The following GPC5 variants were observed in gnomAD, a reference collection of about 807,000 sequenced individuals.
GPC5 encodes glypican 5.
A neutral mutation model predicts 53.9 loss-of-function variants in GPC5; 47 were observed. The observed-to-expected ratio is 0.87, with a 90% CI of 0.69 to 1.11. The LOEUF (loss-of-function observed/expected upper bound fraction) is 1.11, where lower values mean the gene tolerates loss of function less well. Among genes scored for constraint, GPC5 ranks in the 50% most tolerant of loss-of-function variants. GPC5 has a pLI of 0.00. For synonymous variants in GPC5, 286 were observed against 263.3 expected (o/e 1.09, Z -0.84); for missense variants, 748 against 713.1 (o/e 1.05, Z -0.56).
At chr13:92,565,747 C>G (rs1394185612) in intron 7 of GPC5, among the ~76,000 whole-genome samples, 1 of 151,926 alleles carries the variant, frequency 6.6e-6, no homozygotes. Context: ...ACAACTAAAG[C>G]AAGTGACTTT....
rs189798599 is a variant in GPC5, at chr13:92,519,386, C to G, written c.1562-346896C>G. 4.1e-3 allele frequency among the ~76,000 whole-genome samples: 624 copies of G among 152,298 alleles called. 4 individuals carry two copies. The highest frequency in any genetic ancestry group is 0.014 in the African/African-American group (581 of 41,548). On this transcript the variant is annotated intron_variant, in intron 7 of 7. Coordinates refer to ENST00000377067, the MANE Select transcript of GPC5 (RefSeq NM_004466.6). ...TGACCACATAGTTGGAAGTAAAACA[C>G]TCCTCAGCAAATGTAAAAGAACAGA...
chr13:92,081,083 A>C (rs187333096), intron 6 of GPC5, among the ~76,000 whole-genome samples: 2 of 152,038 alleles, frequency 1.3e-5, no homozygotes, highest in Non-Finnish European at 2.9e-5. Context: ...TATCTCACCC[A>C]CTGGTATATG....
intron 7 of GPC5, among the ~76,000 whole-genome samples, chr13:92,162,012 T>A (rs2041993194): frequency 7.0e-6 from 1 of 143,776 alleles, no homozygotes; most frequent in Non-Finnish European, 1.5e-5. Context: ...TAAATGTAGT[T>A]CTCTGGTTAT....
intron 7 of GPC5, among the ~76,000 whole-genome samples, chr13:92,759,023 G>A (rs1325954955): frequency 4.8e-5 from 3 of 62,774 alleles, no homozygotes; most frequent in African/African-American, 2.7e-4. Flanking sequence ...TTTTTTTGGT[G>A]CTGTCATGAA....
chr13:91,816,894 G>C (rs1226643195), intron 5 of GPC5, among the ~76,000 whole-genome samples: 1 of 152,082 alleles, frequency 6.6e-6, no homozygotes, highest in Non-Finnish European at 1.5e-5. Context: ...CCTGGGTATG[G>C]CTCAGTTAAA....
chr13:92,128,475 C>T (rs1292035882), intron 6 of GPC5, among the ~76,000 whole-genome samples: 1 of 152,200 alleles, frequency 6.6e-6, no homozygotes, highest in Non-Finnish European at 1.5e-5. Flanking sequence ...CTGCCTTTCC[C>T]TTGTCCTGGG....
At chr13:92,193,154 G>A (rs983572741) in intron 7 of GPC5, among the ~76,000 whole-genome samples, 5 of 145,916 alleles carry the variant, frequency 3.4e-5, no homozygotes, top group Admixed American at 7.0e-5. Flanking sequence ...CAGCCTGGGC[G>A]ACAGAGCGAG....
At chr13:92,224,437 C>T (rs1325269769) in intron 7 of GPC5, among the ~76,000 whole-genome samples, 2 of 152,120 alleles carry the variant, frequency 1.3e-5, no homozygotes, top group African/African-American at 4.8e-5. Flanking sequence ...ATTGTACAAA[C>T]GAGAATTAAC....
rs372010612 is a variant in GPC5, at chr13:92,711,240, C to A, written c.1562-155042C>A. Among the ~76,000 whole-genome samples the A allele has an allele frequency of 5.9e-5, 9 of 152,218 alleles. No homozygotes were observed. The East Asian group carries it at 1.4e-3, about 23-fold the overall frequency. On this transcript the variant is annotated intron_variant, in intron 7 of 7. Coordinates refer to ENST00000377067, the MANE Select transcript of GPC5 (RefSeq NM_004466.6). ...ACATGCATAACATTTTGCCACATGA[C>A]CCTACTTATTAAAAATTTAGGTTAA...
chr13:92,247,563 A>T (rs114944790), intron 7 of GPC5, among the ~76,000 whole-genome samples: 276 of 152,288 alleles, frequency 1.8e-3, no homozygotes, highest in African/African-American at 6.4e-3. Context: ...ATTTGGTATA[A>T]TATAGTCTAT....
chr13:92,165,450 G>A (rs560277460), intron 7 of GPC5, among the ~76,000 whole-genome samples: 110 of 152,164 alleles, frequency 7.2e-4, no homozygotes, highest in Non-Finnish European at 1.4e-3. Context: ...AGTTCCACAT[G>A]GCTGGGGAGG....
intron 7 of GPC5, among the ~76,000 whole-genome samples, chr13:92,451,358 C>T (rs1380193527): frequency 6.6e-6 from 1 of 152,060 alleles, no homozygotes; most frequent in African/African-American, 2.4e-5. Flanking sequence ...TCTAGGTCTA[C>T]TCAGGACATC....
intron 5 of GPC5, among the ~76,000 whole-genome samples, chr13:91,832,498 T>C (rs1336352114): frequency 6.6e-6 from 1 of 151,872 alleles, no homozygotes; most frequent in Non-Finnish European, 1.5e-5. Context: ...AATATTGTTA[T>C]GTGTGAATTT....
At chr13:92,476,369 G>A (rs1330329918) in intron 7 of GPC5, among the ~76,000 whole-genome samples, 1 of 151,416 alleles carries the variant, frequency 6.6e-6, no homozygotes, top group Non-Finnish European at 1.5e-5. Flanking sequence ...AGTTAGAATG[G>A]CAATCATTAA....
chr13:91,575,581 C>G (rs2139052532), intron 2 of GPC5, among the ~76,000 whole-genome samples: 1 of 152,250 alleles, frequency 6.6e-6, no homozygotes, highest in South Asian at 2.1e-4. Context: ...CATGTTAAAA[C>G]TGTACCCACT....
chr13:92,084,829 A>G (rs1210231113), intron 6 of GPC5, among the ~76,000 whole-genome samples: 5 of 152,244 alleles, frequency 3.3e-5, no homozygotes, highest in Non-Finnish European at 5.9e-5. Context: ...TGCATTTTCA[A>G]GTTGTGTTAA....
intron 7 of GPC5, among the ~76,000 whole-genome samples, chr13:92,543,164 T>C (rs1316030170): frequency 6.6e-6 from 1 of 152,088 alleles, no homozygotes; most frequent in African/African-American, 2.4e-5. Context: ...ACTTCCTTCA[T>C]TTTTTAAAAA....
chr13:91,641,584 C>A (rs921969470), intron 2 of GPC5, among the ~76,000 whole-genome samples: 7 of 152,156 alleles, frequency 4.6e-5, no homozygotes, highest in Admixed American at 4.6e-4. Context: ...ATGTAGCAAA[C>A]CTGCACATAC....
chr13:92,551,995 T>C (rs1882334219), intron 7 of GPC5, among the ~76,000 whole-genome samples: 2 of 151,938 alleles, frequency 1.3e-5, no homozygotes, highest in South Asian at 4.1e-4. Context: ...TAGTCAGCAC[T>C]TCTCTGAGAT....
Sources: gnomAD v4.1 joint callset for allele counts (sites outside exome capture counted in the v4.1 genomes callset) on GRCh38, gnomAD v4.1.1 for gene constraint, MANE v1.5 for transcripts, NCBI Gene and HGNC (gene_info 2026-07-23, HGNC 2026-07-21) for gene names.